The following STX8 variants were observed in gnomAD, a reference collection of about 807,000 sequenced individuals.
STX8 encodes the protein syntaxin 8, also known as syntaxin-8.
A neutral mutation model predicts 37.5 loss-of-function variants in STX8; 23 were observed. The ratio of observed to expected loss-of-function variants is 0.61; its 90% CI spans 0.44 to 0.87. The LOEUF is 0.87. Among genes scored for constraint, STX8 ranks in the 40% least tolerant of loss-of-function variants. The probability of loss-of-function intolerance (pLI) is 0.00; values close to 1 mark genes in which losing one functional copy is unlikely to be tolerated. For synonymous variants in STX8, 115 were observed against 99.1 expected (o/e 1.16, Z -0.95); for missense variants, 313 against 284.7 (o/e 1.10, Z -0.71).
intron 2 of STX8, among the ~76,000 whole-genome samples, chr17:9,561,920 T>C (rs9899824): frequency 0.059 from 8,999 of 152,084 alleles, 406 homozygotes; most frequent in African/African-American, 0.13. Flanking sequence ...CATTTGTAAT[T>C]AGAAAGAATC....
At chr17:9,574,771 T>C (rs1457315577) in intron 1 of STX8, among the ~76,000 whole-genome samples, 1 of 152,174 alleles carries the variant, frequency 6.6e-6, no homozygotes, top group East Asian at 1.9e-4. Context: ...CGACCTCAGG[T>C]GATCTGCCTG....
chr17:9,477,732 T>C, intron 6 of STX8, among the ~76,000 whole-genome samples: 1 of 152,226 alleles, frequency 6.6e-6, no homozygotes. Context: ...AATTCTAAAC[T>C]TGATTTATTC....
Position 9,250,544 on chromosome 17 carries a change from G to A in STX8, c.*34C>T. 1 of 1,562,494 alleles carries A rather than the reference G, an allele frequency of 6.4e-7. No individual in the cohort carries two copies. Among genetic ancestry groups the A allele is most frequent in the Non-Finnish European group, 8.7e-7 (1 of 1,150,252 alleles). The stretch of plus-strand genomic sequence containing the variant: ...GGTGTTGGGCTTGCATCTGTCATTG[G>A]CAGGTGTCACTGCTGGTGGTCTCTT... On this transcript the variant is annotated 3_prime_UTR_variant, in exon 8 of 8. Transcript: ENST00000306357.
chr17:9,349,316 C>CTTTT (rs61627405), intron 7 of STX8, among the ~76,000 whole-genome samples: 32 of 109,780 alleles, frequency 2.9e-4, no homozygotes, highest in African/African-American at 8.6e-4. Flanking sequence ...ATTTTCTTTT[C>CTTTT]TTTTTTTTTT....
At chr17:9,333,129 A>G (rs1336825975) in intron 7 of STX8, among the ~76,000 whole-genome samples, 1 of 152,154 alleles carries the variant, frequency 6.6e-6, no homozygotes, top group Admixed American at 6.5e-5. Context: ...TTCAGGAGGT[A>G]CATATACAGA....
chr17:9,541,357 C>T (rs545991361), intron 4 of STX8, among the ~76,000 whole-genome samples: 6 of 152,102 alleles, frequency 3.9e-5, no homozygotes, highest in Non-Finnish European at 8.8e-5. Flanking sequence ...AGACAGACCA[C>T]GTCCTTCTAG....
chr17:9,254,179 G>C (rs1473002583), intron 7 of STX8, among the ~76,000 whole-genome samples: 2 of 152,194 alleles, frequency 1.3e-5, no homozygotes, highest in East Asian at 1.9e-4. Context: ...TGCGCGCTGT[G>C]TTTGAGCCAT....
chr17:9,459,593 G>T (rs1366499930), intron 6 of STX8, among the ~76,000 whole-genome samples: 7 of 152,170 alleles, frequency 4.6e-5, no homozygotes, highest in African/African-American at 1.7e-4. Context: ...TCGGCTCACT[G>T]CAAGCTCTGT....
chr17:9,352,150 TAAAAAAA>T (rs551344446), intron 7 of STX8, among the ~76,000 whole-genome samples: 1 of 111,156 alleles, frequency 9.0e-6, no homozygotes, highest in Non-Finnish European at 1.9e-5. Context: ...AGATCCTGCC[TAAAAAAA>T]AAAAAAAAGA....
intron 6 of STX8, among the ~76,000 whole-genome samples, chr17:9,438,383 G>A (rs1003041259): frequency 1.4e-5 from 2 of 146,888 alleles, no homozygotes; most frequent in Non-Finnish European, 3.0e-5. Context: ...CTCTGGCATC[G>A]TCTGAGAGCT....
chr17:9,256,426 A>T (rs1906799802), intron 7 of STX8, among the ~76,000 whole-genome samples: 2 of 152,068 alleles, frequency 1.3e-5, no homozygotes. Context: ...ACGTTTTATG[A>T]TGGAAAATTT....
rs184562180 is a variant in STX8, at chr17:9,376,857, G to A, written c.643+1695C>T. ...AGTCAGCGAGACCAAGAACCCACCTGAAGGAACCAATTCCGGACACAGTAT... is the reference window on the plus strand; with the variant it reads ...AGTCAGCGAGACCAAGAACCCACCTAAAGGAACCAATTCCGGACACAGTAT... On this transcript the variant is annotated intron_variant, in intron 7 of 7. Transcript: ENST00000306357. Among the ~76,000 whole-genome samples, 8 of 152,358 alleles carry A rather than the reference G, an allele frequency of 5.3e-5. No homozygotes were observed. The East Asian group carries it at 1.5e-3, about 29-fold the overall frequency.
At chr17:9,315,086 G>A (rs1184960318) in intron 7 of STX8, among the ~76,000 whole-genome samples, 1 of 116,490 alleles carries the variant, frequency 8.6e-6, no homozygotes, top group Non-Finnish European at 1.8e-5. Flanking sequence ...TGGCGACAAC[G>A]TGAGACTCTG....
At chr17:9,288,103 G>C (rs1339860281) in intron 7 of STX8, among the ~76,000 whole-genome samples, 1 of 119,188 alleles carries the variant, frequency 8.4e-6, no homozygotes, top group Admixed American at 8.9e-5. Flanking sequence ...GACAAGGGGG[G>C]GGGGGGGGAG....
rs1350829567 is a variant in STX8 at position 9,378,631 on chromosome 17, G to A, written c.564C>T (p.Asn188=). 5 of 1,613,636 alleles carry A rather than the reference G, an allele frequency of 3.1e-6. No individual in the cohort carries two copies. In the Admixed American group the frequency reaches 5.0e-5, roughly 16 times the overall value. ...EQNEIIDDLA[N]LVENTDEKLR... ...GTTTTTCATCTGTGTTCTCCACTAG[G>A]TTGGCAAGGTCGTCAATTATCTCTA... The change falls in exon 7 of 8, where the codon AAC becomes AAT. Residue 188 remains asparagine (N), a synonymous_variant. Coordinates refer to ENST00000306357, the MANE Select transcript of STX8 (RefSeq NM_004853.3).
intron 1 of STX8, among the ~76,000 whole-genome samples, chr17:9,573,295 T>C (rs959911493): frequency 6.6e-6 from 1 of 152,088 alleles, no homozygotes; most frequent in East Asian, 1.9e-4. Flanking sequence ...TTACAATGTA[T>C]TCTCTCTAAA....
At chr17:9,305,603 G>T (rs530654417) in intron 7 of STX8, 1 of 152,084 alleles carries the variant, frequency 6.6e-6, no homozygotes, top group Non-Finnish European at 1.5e-5. Context: ...AAGTTGAGGA[G>T]CACCTCTATA....
intron 1 of STX8, among the ~76,000 whole-genome samples, chr17:9,572,711 T>A (rs961294453): frequency 9.4e-6 from 1 of 106,734 alleles, no homozygotes; most frequent in Non-Finnish European, 2.3e-5. Flanking sequence ...CCTGGCCTTT[T>A]ATAGGTTTTT....
chr17:9,446,574 C>T (rs1567564408), intron 6 of STX8, among the ~76,000 whole-genome samples: 3 of 152,144 alleles, frequency 2.0e-5, no homozygotes, highest in South Asian at 2.1e-4. Flanking sequence ...GAGTGCTACA[C>T]GGGTTACTAT....
Sources: gnomAD v4.1 joint callset for allele counts (sites outside exome capture counted in the v4.1 genomes callset) on GRCh38, gnomAD v4.1.1 for gene constraint, MANE v1.5 for transcripts, NCBI Gene and HGNC (gene_info 2026-07-23, HGNC 2026-07-21) for gene names.